The following ATP6V0A1 variants were observed in gnomAD, a reference collection of about 807,000 sequenced individuals.
ATP6V0A1 encodes ATPase H+ transporting V0 subunit a1.
In ATP6V0A1, 43 loss-of-function variants were observed where a neutral mutation model predicts 105.4. That is an observed-to-expected ratio of 0.41 (90% CI 0.32 to 0.53). ATP6V0A1 has a LOEUF of 0.53. Among genes scored for constraint, ATP6V0A1 ranks in the 20% least tolerant of loss-of-function variants. The pLI, the probability that ATP6V0A1 is intolerant of heterozygous loss-of-function variation, is 0.30. For synonymous variants in ATP6V0A1, 362 were observed against 372.8 expected, an observed-to-expected ratio of 0.97 and a Z score of 0.33; for missense variants, 676 against 1,051.1, an observed-to-expected ratio of 0.64 and a Z score of 4.93.
At chr17:42,494,699 G>T in intron 12 of ATP6V0A1, 1 of 554,312 alleles carries the variant, frequency 1.8e-6, no homozygotes, top group Middle Eastern at 4.9e-4. Context: ...CTTGAGCCCA[G>T]GAATTCGAGA....
intron 17 of ATP6V0A1, among the ~76,000 whole-genome samples, chr17:42,505,154 G>A (rs1253225021): frequency 6.6e-6 from 1 of 151,522 alleles, no homozygotes; most frequent in Admixed American, 6.6e-5. Context: ...TCCTGCCTCA[G>A]CCTCATGAGT....
intron 17 of ATP6V0A1, among the ~76,000 whole-genome samples, chr17:42,504,403 G>T (rs1196587294): frequency 1.3e-5 from 2 of 152,136 alleles, no homozygotes; most frequent in Non-Finnish European, 2.9e-5. Flanking sequence ...CTGCTCCTCA[G>T]TTTATCTGCT....
chr17:42,508,362 G>A (rs2092154555), intron 18 of ATP6V0A1, among the ~76,000 whole-genome samples: 1 of 152,196 alleles, frequency 6.6e-6, no homozygotes, highest in Non-Finnish European at 1.5e-5. Context: ...AATCACAAGG[G>A]TTGTGGATGC....
chr17:42,474,606 C>T (rs572993489), intron 5 of ATP6V0A1, among the ~76,000 whole-genome samples: 41 of 152,266 alleles, frequency 2.7e-4, no homozygotes, highest in African/African-American at 8.7e-4. Context: ...TCAAATAATG[C>T]GAAAGATAGG....
intron 10 of ATP6V0A1, 90 bp downstream of exon 10, chr17:42,487,457 G>A: frequency 7.5e-7 from 1 of 1,335,238 alleles, no homozygotes; most frequent in Non-Finnish European, 1.1e-6. Flanking sequence ...GCCGGGCGCG[G>A]TGGCTCATGC....
In ATP6V0A1 at chr17:42,495,683, GT is replaced by G; in HGVS notation, c.1530del (p.Phe510LeufsTer20). On this transcript the variant is annotated frameshift_variant, in exon 14 of 22. Transcript: ENST00000343619. LOFTEE classifies it high-confidence loss of function. ...LQLNPALPGV[F>X]GGPYPFGIDP... ...AGCTGAACCCAGCCCTCCCTGGAGT[GT>G]TTGGTGGACCATACCCTTTTGGCAT... is the stretch of plus-strand genomic sequence containing the variant. The G allele has an allele frequency of 6.2e-7, 1 of 1,614,126 alleles. No individual in the cohort carries two copies. The highest frequency in any genetic ancestry group is 8.5e-7 in the Non-Finnish European group (1 of 1,179,956).
chr17:42,514,563 A>T, intron 21 of ATP6V0A1, 103 bp downstream of exon 21: 1 of 1,228,322 alleles, frequency 8.1e-7, no homozygotes, highest in Non-Finnish European at 1.1e-6. Context: ...TCTGTGCAGG[A>T]AAGATGAGCT....
At chr17:42,489,464 TAGG>T (rs1177109547) in intron 10 of ATP6V0A1, among the ~76,000 whole-genome samples, 1 of 151,540 alleles carries the variant, frequency 6.6e-6, no homozygotes, top group Non-Finnish European at 1.5e-5. Flanking sequence ...GGGGTTCAGT[TAGG>T]AGGTTATTGT....
chr17:42,494,939 G>A, intron 12 of ATP6V0A1, 95 bp from the exon 13 acceptor site: 1 of 1,342,934 alleles, frequency 7.4e-7, no homozygotes, highest in Non-Finnish European at 1.0e-6. Flanking sequence ...GGGTAAAGTA[G>A]TGCTGGAGAA....
chr17:42,475,236 G>GTAAT (rs2088573520), intron 5 of ATP6V0A1, among the ~76,000 whole-genome samples: 1 of 152,138 alleles, frequency 6.6e-6, no homozygotes, highest in Non-Finnish European at 1.5e-5. Flanking sequence ...TTTGTTCTTG[G>GTAAT]TAATTGACAT....
At chr17:42,515,529 T>C (rs1199467530) in intron 21 of ATP6V0A1, among the ~76,000 whole-genome samples, 43 of 149,186 alleles carry the variant, frequency 2.9e-4, no homozygotes, top group Non-Finnish European at 8.9e-5. Context: ...TTCACTCCTG[T>C]AATCCCAGCA....
At chr17:42,516,936 C>T (rs2092651813) in intron 21 of ATP6V0A1, among the ~76,000 whole-genome samples, 1 of 152,218 alleles carries the variant, frequency 6.6e-6, no homozygotes, top group African/African-American at 2.4e-5. Flanking sequence ...CAAGTGCTGC[C>T]ACAGCAAAAG....
At chr17:42,495,304 T>C (rs752556583) in intron 13 of ATP6V0A1, 116 bp downstream of exon 13, 78 of 1,087,564 alleles carry the variant, frequency 7.2e-5, no homozygotes, top group Non-Finnish European at 9.7e-5. Flanking sequence ...GTCTCCTCAT[T>C]CATGCTCCAC....
intron 17 of ATP6V0A1, among the ~76,000 whole-genome samples, chr17:42,503,362 T>C (rs1013920988): frequency 6.6e-6 from 1 of 152,234 alleles, no homozygotes; most frequent in African/African-American, 2.4e-5. Context: ...AGTTTATACA[T>C]GTTTAGTTTT....
rs756525405 is a variant in ATP6V0A1, at chr17:42,495,724, G to A, written c.1560+8G>A. On this transcript the variant is annotated splice_region_variant and intron_variant, in intron 14 of 21. Transcript: ENST00000343619. ...CCTTTTGGCATTGATCCAGTAAGAG[G>A]ACTTCCTTCCTATATGCTAACCTCA... 6.2e-7 allele frequency: 1 copy of A among 1,606,376 alleles called. No homozygotes were observed. Among genetic ancestry groups the A allele is most frequent in the African/African-American group, 1.3e-5 (1 of 74,718 alleles).
intron 19 of ATP6V0A1, 102 bp from the exon 20 acceptor site, chr17:42,513,759 C>T (rs559980107): frequency 1.0e-4 from 115 of 1,122,402 alleles, no homozygotes; most frequent in Admixed American, 4.6e-4. Flanking sequence ...GTGCAGTCCC[C>T]TGCCCTGGCC....
chr17:42,464,862 G>T (rs149625924), intron 2 of ATP6V0A1, among the ~76,000 whole-genome samples: 3 of 152,120 alleles, frequency 2.0e-5, no homozygotes, highest in Middle Eastern at 3.2e-3. Context: ...CCTATTTGGT[G>T]CTTCATAAAT....
chr17:42,500,074 C>CAAA (rs199733869), intron 15 of ATP6V0A1, among the ~76,000 whole-genome samples: 34 of 61,060 alleles, frequency 5.6e-4, no homozygotes, highest in African/African-American at 1.7e-3. Flanking sequence ...CCCATCTCTA[C>CAAA]AAAAAAAAAA....
chr17:42,513,717 C>G (rs1367512631), intron 19 of ATP6V0A1, 144 bp from the exon 20 acceptor site: 1 of 765,992 alleles, frequency 1.3e-6, no homozygotes, highest in Non-Finnish European at 2.2e-6. Context: ...GTGCTTCTGG[C>G]CCCTCCAGAG....
Sources: allele counts gnomAD v4.1 joint callset (sites outside exome capture counted in the v4.1 genomes callset), GRCh38; gene constraint gnomAD v4.1.1; transcripts MANE v1.5; gene names NCBI Gene and HGNC (gene_info 2026-07-23, HGNC 2026-07-21).